Variants in CDH11 observed in about 807,000 individuals in gnomAD.
CDH11 encodes cadherin-11.
CDH11 carries 11 observed loss-of-function variants against 67.8 expected under a neutral mutation model. That is an observed-to-expected ratio of 0.16 (90% CI 0.10 to 0.27). CDH11 has a LOEUF of 0.27. CDH11 is among the 10% of genes least tolerant of loss of function. CDH11 has a pLI of 1.00. For missense variants in CDH11, 847 were observed against 1,031.2 expected, an observed-to-expected ratio of 0.82 and a Z score of 2.45; for synonymous variants, 419 against 400.0, an observed-to-expected ratio of 1.05 and a Z score of -0.57.
At chr16:64,962,418 G>A (rs940552523) in intron 11 of CDH11, among the ~76,000 whole-genome samples, 3 of 152,042 alleles carry the variant, frequency 2.0e-5, no homozygotes, top group African/African-American at 7.2e-5. Flanking sequence ...ACAGAGAATC[G>A]AACTTACTAG....
intron 1 of CDH11, among the ~76,000 whole-genome samples, chr16:65,115,707 C>CAAAAAAAAAAAAAAAAAAAA (rs750108148): frequency 1.7e-5 from 1 of 60,176 alleles, no homozygotes; most frequent in African/African-American, 6.5e-5. Context: ...AAGGCTACAC[C>CAAAAAAAAAAAAAAAAAAAA]AAAAAAAAAA....
At chr16:64,951,064 G>A in intron 11 of CDH11, 46 bp from the exon 12 acceptor site, 1 of 1,585,406 alleles carries the variant, frequency 6.3e-7, no homozygotes, top group South Asian at 1.1e-5. Context: ...CAAGACCATT[G>A]GAATCACAGC....
chr16:65,073,407 A>G (rs2074453632), intron 1 of CDH11, among the ~76,000 whole-genome samples: 1 of 152,118 alleles, frequency 6.6e-6, no homozygotes, highest in Non-Finnish European at 1.5e-5. Flanking sequence ...CAGCCTCCCG[A>G]GTAGCTGGGA....
At chr16:64,983,139 T>C (rs2072397246) in intron 7 of CDH11, 1 of 72,800 alleles carries the variant, frequency 1.4e-5, no homozygotes, top group Admixed American at 1.6e-4. Context: ...AAATGCTTCT[T>C]TTTTTAAAAA....
chr16:65,069,456 C>G (rs1385493794), intron 1 of CDH11, among the ~76,000 whole-genome samples: 1 of 152,092 alleles, frequency 6.6e-6, no homozygotes, highest in Non-Finnish European at 1.5e-5. Context: ...ACTTTTTAAT[C>G]TTGTAGTCAC....
At chr16:64,971,514 G>A in intron 11 of CDH11, 65 bp downstream of exon 11, 1 of 876,786 alleles carries the variant, frequency 1.1e-6, no homozygotes, top group Non-Finnish European at 1.9e-6. Context: ...CTTGTGCTAT[G>A]CAATGTAAAC....
At chr16:65,006,340 T>G (rs571663340) in intron 2 of CDH11, among the ~76,000 whole-genome samples, 1 of 152,348 alleles carries the variant, frequency 6.6e-6, no homozygotes, top group South Asian at 2.1e-4. Flanking sequence ...TGTCATCACC[T>G]AATTTTTTGT....
intron 2 of CDH11, among the ~76,000 whole-genome samples, chr16:65,009,538 T>C (rs757090480): frequency 7.9e-5 from 12 of 152,164 alleles, no homozygotes; most frequent in Non-Finnish European, 1.3e-4. Context: ...TATTCAGTGG[T>C]AGGGACTTAG....
At chr16:64,981,942 C>G in intron 8 of CDH11, 106 bp downstream of exon 8, 1 of 987,750 alleles carries the variant, frequency 1.0e-6, no homozygotes, top group Non-Finnish European at 1.5e-6. Flanking sequence ...ACCTGATAAA[C>G]TTGAACCCTT....
At chr16:65,017,265 T>C (rs1035203723) in intron 2 of CDH11, among the ~76,000 whole-genome samples, 2 of 152,038 alleles carry the variant, frequency 1.3e-5, no homozygotes, top group African/African-American at 4.8e-5. Context: ...CAAGATGGAG[T>C]CACTCTGGTT....
At position 64,944,539 on chromosome 16, in the gene CDH11, T is replaced by A. The variant is rs1292924554; in HGVS notation, c.*3064A>T. ...GCCCAGCCCCCATTCACCCCCATTGTCTTATAAAGTTTCTCAAAAAGATGT... is the reference window on the plus strand; with the variant it reads ...GCCCAGCCCCCATTCACCCCCATTGACTTATAAAGTTTCTCAAAAAGATGT... On this transcript the variant is annotated 3_prime_UTR_variant, in exon 13 of 13. Coordinates refer to ENST00000268603, the MANE Select transcript of CDH11 (RefSeq NM_001797.4). 8.6e-6 allele frequency: 2 copies of A among 232,830 alleles called. No homozygotes were observed. Among genetic ancestry groups the A allele is most frequent in the Non-Finnish European group, 1.7e-5 (2 of 117,914 alleles). 14.4% of individuals were successfully genotyped at this position (232,830 alleles called of 1,614,324 possible). A position where few individuals can be genotyped will look rare whatever the true frequency, so the allele number is the denominator to read the frequency against.
intron 1 of CDH11, among the ~76,000 whole-genome samples, chr16:65,094,119 C>A (rs1047307434): frequency 6.6e-6 from 1 of 152,034 alleles, no homozygotes; most frequent in African/African-American, 2.4e-5. Flanking sequence ...CAGCAATGCA[C>A]TAAGATTTAA....
At chr16:65,063,477 G>A (rs1288072755) in intron 1 of CDH11, among the ~76,000 whole-genome samples, 1 of 152,124 alleles carries the variant, frequency 6.6e-6, no homozygotes, top group African/African-American at 2.4e-5. Context: ...TGGATCAGAG[G>A]TTTCAGGAGG....
intron 11 of CDH11, among the ~76,000 whole-genome samples, chr16:64,952,797 A>G (rs2071397752): frequency 6.6e-6 from 1 of 152,156 alleles, no homozygotes; most frequent in African/African-American, 2.4e-5. Flanking sequence ...TAGGCTTTAA[A>G]TAGGTTGACA....
chr16:64,946,386 C>T lies in CDH11; in HGVS notation c.*1217G>A, dbSNP rs2071197390. ...TGGGGCATAGAATGTATACCTGGAA[C>T]ATTAGAGTTCTGATAGCTCCATTCC... is the stretch of plus-strand genomic sequence containing the variant. On this transcript the variant is annotated 3_prime_UTR_variant, in exon 13 of 13. Transcript: ENST00000268603. 2 of 1,037,088 alleles carry T rather than the reference C, an allele frequency of 1.9e-6. No individual in the cohort carries two copies. Among genetic ancestry groups the T allele is most frequent in the African/African-American group, 3.4e-5 (2 of 59,650 alleles). 64.2% of individuals were successfully genotyped at this position (1,037,088 alleles called of 1,614,324 possible).
intron 1 of CDH11, among the ~76,000 whole-genome samples, chr16:65,099,871 C>G (rs1402017): frequency 0.89 from 135,497 of 151,980 alleles, 60,500 homozygotes; most frequent in East Asian, 1. Context: ...ACTCTTCATG[C>G]AGTTCACAGT....
intron 1 of CDH11, among the ~76,000 whole-genome samples, chr16:65,108,808 G>A (rs2075109659): frequency 1.3e-5 from 2 of 152,126 alleles, no homozygotes; most frequent in African/African-American, 2.4e-5. Context: ...TTTGGGTAGT[G>A]ATCTGGATTT....
intron 11 of CDH11, among the ~76,000 whole-genome samples, chr16:64,969,520 A>C (rs1341860742): frequency 1.3e-5 from 2 of 152,238 alleles, no homozygotes; most frequent in African/African-American, 4.8e-5. Flanking sequence ...CAACCGAATC[A>C]ATCTCTTCAC....
In CDH11 at chr16:64,946,189, GC is replaced by G. The variant is rs547445506; in HGVS notation, c.*1413del. ...GCCCATTCTCATTAAAACATAAAAT[GC>G]CACATCATTTTACAATTAGTTAAAA... On this transcript the variant is annotated 3_prime_UTR_variant, in exon 13 of 13. Transcript: ENST00000268603. 895 of 1,051,684 alleles carry G rather than the reference GC, an allele frequency of 8.5e-4. No individual in the cohort carries two copies. Among genetic ancestry groups the G allele is most frequent in the Non-Finnish European group, 9.9e-4 (862 of 870,774 alleles). The allele number at this position is 1,051,684 out of a possible 1,614,324, so 65.1% of individuals were successfully genotyped here. A position where few individuals can be genotyped will look rare whatever the true frequency, so the allele number is the denominator to read the frequency against.
Sources: gnomAD v4.1 joint callset for allele counts (sites outside exome capture counted in the v4.1 genomes callset) on GRCh38, gnomAD v4.1.1 for gene constraint, MANE v1.5 for transcripts, NCBI Gene and HGNC (gene_info 2026-07-23, HGNC 2026-07-21) for gene names.